GRM7: variants seen among roughly 807,000 people sequenced by gnomAD.
GRM7 encodes the protein glutamate metabotropic receptor 7, also known as metabotropic glutamate receptor 7.
GRM7 carries 35 observed loss-of-function variants against 84.5 expected under a neutral mutation model. That is an observed-to-expected ratio of 0.41 (90% CI 0.32 to 0.55). The LOEUF (loss-of-function observed/expected upper bound fraction) is 0.55. Ranked by LOEUF, GRM7 falls within the 20% of genes least tolerant of loss-of-function variation. GRM7 has a pLI of 0.19. For missense variants in GRM7, 1,003 were observed against 1,194.6 expected (o/e 0.84, Z 2.36); for synonymous variants, 487 against 455.1 (o/e 1.07, Z -0.89).
chr3:6,883,295 A>G (rs1263971227), intron 1 of GRM7, among the ~76,000 whole-genome samples: 3 of 151,982 alleles, frequency 2.0e-5, no homozygotes, highest in African/African-American at 7.2e-5. Flanking sequence ...ATTTTGTTAT[A>G]GTTTTCAATG....
At chr3:7,359,333 C>CTTTT (rs372075812) in intron 4 of GRM7, among the ~76,000 whole-genome samples, 3 of 98,520 alleles carry the variant, frequency 3.0e-5, no homozygotes, top group East Asian at 2.9e-4. Flanking sequence ...CCCTCCTCCT[C>CTTTT]TTTTTTTTTT....
chr3:7,010,795 A>T (rs1221156918), intron 1 of GRM7, among the ~76,000 whole-genome samples: 4 of 152,220 alleles, frequency 2.6e-5, no homozygotes, highest in African/African-American at 9.6e-5. Context: ...TCCAAGGTTC[A>T]GTCCCTTTTG....
At chr3:7,252,925 C>T (rs1009489076) in intron 2 of GRM7, among the ~76,000 whole-genome samples, 9 of 148,244 alleles carry the variant, frequency 6.1e-5, no homozygotes, top group Non-Finnish European at 1.2e-4. Context: ...TTCTTGACCT[C>T]GTGATCCACC....
chr3:7,330,862 A>G (rs756903268), intron 4 of GRM7, among the ~76,000 whole-genome samples: 1 of 152,078 alleles, frequency 6.6e-6, no homozygotes, highest in Non-Finnish European at 1.5e-5. Context: ...TAGAGACAGG[A>G]TGGTCTTTCT....
intron 2 of GRM7, among the ~76,000 whole-genome samples, chr3:7,149,556 G>A (rs1166920165): frequency 6.6e-6 from 1 of 152,074 alleles, no homozygotes; most frequent in Non-Finnish European, 1.5e-5. Context: ...GCTCGAAAAA[G>A]TCACCCTCAC....
At chr3:7,375,960 G>A (rs1312019291) in intron 4 of GRM7, among the ~76,000 whole-genome samples, 4 of 152,110 alleles carry the variant, frequency 2.6e-5, no homozygotes, top group African/African-American at 9.7e-5. Context: ...TGAGAGGAAA[G>A]CATATATTTC....
At chr3:7,590,640 C>T (rs1346485087) in intron 8 of GRM7, among the ~76,000 whole-genome samples, 1 of 152,096 alleles carries the variant, frequency 6.6e-6, no homozygotes, top group African/African-American at 2.4e-5. Context: ...TCCTGAAAAC[C>T]CCAGGGCCAT....
At chr3:7,261,302 T>C (rs1230472006) in intron 2 of GRM7, among the ~76,000 whole-genome samples, 1 of 152,198 alleles carries the variant, frequency 6.6e-6, no homozygotes, top group South Asian at 2.1e-4. Flanking sequence ...TTAATTTCCA[T>C]GTAATTTTAT....
intron 1 of GRM7, among the ~76,000 whole-genome samples, chr3:6,979,726 G>A (rs1192463184): frequency 6.6e-6 from 1 of 152,060 alleles, no homozygotes; most frequent in Admixed American, 6.5e-5. Flanking sequence ...AAATAAAAAT[G>A]GGTTGGTGGA....
At chr3:6,989,720 A>G (rs1053990597) in intron 1 of GRM7, among the ~76,000 whole-genome samples, 4 of 152,234 alleles carry the variant, frequency 2.6e-5, no homozygotes, top group Non-Finnish European at 4.4e-5. Context: ...GATAATTCAC[A>G]TGGCTTGCGC....
At chr3:7,698,026 C>G (rs1459177247) in intron 9 of GRM7, among the ~76,000 whole-genome samples, 1 of 152,190 alleles carries the variant, frequency 6.6e-6, no homozygotes, top group Non-Finnish European at 1.5e-5. Context: ...AGTGGTTACT[C>G]TTGTTAGGGA....
intron 6 of GRM7, among the ~76,000 whole-genome samples, chr3:7,454,090 ACTCTCTCTCTCTCTCT>A (rs58338960): frequency 1.4e-5 from 2 of 140,122 alleles, no homozygotes; most frequent in African/African-American, 2.8e-5. Flanking sequence ...CTACACACAC[ACTCTCTCTCTCTCTCT>A]CTCTCTCTCT....
At chr3:6,930,297 A>G (rs1361420702) in intron 1 of GRM7, among the ~76,000 whole-genome samples, 1 of 152,236 alleles carries the variant, frequency 6.6e-6, no homozygotes, top group African/African-American at 2.4e-5. Context: ...TAATTCAGGA[A>G]AAATGTTATA....
At chr3:7,184,340 G>A (rs1326573893) in intron 2 of GRM7, among the ~76,000 whole-genome samples, 1 of 151,856 alleles carries the variant, frequency 6.6e-6, no homozygotes, top group Non-Finnish European at 1.5e-5. Context: ...TGCCTTAGAT[G>A]TATTAATCAA....
intron 1 of GRM7, among the ~76,000 whole-genome samples, chr3:6,955,194 T>C (rs962054927): frequency 6.6e-6 from 1 of 152,104 alleles, no homozygotes; most frequent in Non-Finnish European, 1.5e-5. Context: ...CAAAACAAGA[T>C]TGTAAACAAT....
intron 4 of GRM7, among the ~76,000 whole-genome samples, chr3:7,334,771 T>A (rs1701339381): frequency 6.6e-6 from 1 of 152,180 alleles, no homozygotes; most frequent in East Asian, 1.9e-4. Context: ...GAAGTAGCTA[T>A]TCTTATATCA....
intron 8 of GRM7, among the ~76,000 whole-genome samples, chr3:7,672,903 A>C (rs567721003): frequency 6.6e-6 from 1 of 152,216 alleles, no homozygotes; most frequent in Non-Finnish European, 1.5e-5. Context: ...CCTTGAATAT[A>C]CTTTCAAACA....
chr3:7,124,658 A>G (rs1432793433), intron 1 of GRM7, among the ~76,000 whole-genome samples: 2 of 152,160 alleles, frequency 1.3e-5, no homozygotes, highest in Non-Finnish European at 2.9e-5. Flanking sequence ...AGATTAGAAC[A>G]ATGATACTTT....
intron 1 of GRM7, among the ~76,000 whole-genome samples, chr3:7,042,332 C>T (rs1353605924): frequency 1.3e-5 from 2 of 152,142 alleles, no homozygotes; most frequent in Non-Finnish European, 2.9e-5. Context: ...GAAATCCCCA[C>T]ACACTTCTTG....
Sources: gnomAD v4.1 joint callset for allele counts (sites outside exome capture counted in the v4.1 genomes callset) on GRCh38, gnomAD v4.1.1 for gene constraint, MANE v1.5 for transcripts, NCBI Gene and HGNC (gene_info 2026-07-23, HGNC 2026-07-21) for gene names.